Variants in LAMA2 observed in about 807,000 individuals in gnomAD.
LAMA2 encodes the protein laminin subunit alpha 2.
LAMA2 carries 269 observed loss-of-function variants against 364.8 expected under a neutral mutation model. That is an observed-to-expected ratio of 0.74 (90% CI 0.67 to 0.82). The LOEUF is 0.82. Ranked by LOEUF, LAMA2 falls within the 40% of genes least tolerant of loss-of-function variation. The pLI is 0.00. For synonymous variants in LAMA2, 1,379 were observed against 1,370.6 expected, an observed-to-expected ratio of 1.01 and a Z score of -0.14; for missense variants, 3,807 against 3,873.2, an observed-to-expected ratio of 0.98 and a Z score of 0.45.
At chr6:129,172,947 C>T (rs944770290) in intron 9 of LAMA2, among the ~76,000 whole-genome samples, 24 of 152,334 alleles carry the variant, frequency 1.6e-4, no homozygotes, top group East Asian at 1.5e-3. Context: ...AGGTGCCGTC[C>T]GTCACCCCTT....
intron 1 of LAMA2, among the ~76,000 whole-genome samples, chr6:128,899,198 A>T (rs1228474920): frequency 1.3e-5 from 2 of 152,206 alleles, no homozygotes; most frequent in African/African-American, 4.8e-5. Context: ...TTTATTTTGA[A>T]TTAACACATG....
rs146703976 is a variant in LAMA2 at position 128,896,975 on chromosome 6, C to T, written c.112+13618C>T. ...GGCCAGCACTGCTGTAAGCATGTCT[C>T]ATGCCTTAATTTATCAAAGGTAGAT... On this transcript the variant is annotated intron_variant, in intron 1 of 64. Coordinates refer to ENST00000421865, the MANE Select transcript of LAMA2 (RefSeq NM_000426.4). Among the ~76,000 whole-genome samples, 471 of 152,346 alleles carry T rather than the reference C, an allele frequency of 3.1e-3. 2 individuals are homozygous for T. Among genetic ancestry groups the T allele is most frequent in the Middle Eastern group, 6.8e-3 (2 of 294 alleles).
intron 16 of LAMA2, among the ~76,000 whole-genome samples, chr6:129,268,244 A>ATGGATT (rs1787648648): frequency 6.6e-6 from 1 of 152,070 alleles, no homozygotes; most frequent in Admixed American, 6.6e-5. Flanking sequence ...GAGAGCCTTA[A>ATGGATT]TTTGTGGATC....
At chr6:129,465,324 T>G in intron 51 of LAMA2, 35 bp downstream of exon 51, 7 of 1,529,024 alleles carry the variant, frequency 4.6e-6, no homozygotes, top group Non-Finnish European at 6.3e-6. Flanking sequence ...ATATAGGCCT[T>G]AATCATGAAA....
At chr6:129,469,686 C>T (rs1047524251) in intron 51 of LAMA2, among the ~76,000 whole-genome samples, 7 of 150,910 alleles carry the variant, frequency 4.6e-5, no homozygotes, top group African/African-American at 1.7e-4. Context: ...AAACTGAAAA[C>T]AAATCACATA....
At chr6:129,498,915 A>AAGTT (rs1165317828) in intron 58 of LAMA2, among the ~76,000 whole-genome samples, 1 of 152,206 alleles carries the variant, frequency 6.6e-6, no homozygotes, top group East Asian at 1.9e-4. Context: ...TTCTGACCTG[A>AAGTT]AGTTAAATGA....
intron 58 of LAMA2, among the ~76,000 whole-genome samples, chr6:129,493,658 C>G (rs1445135686): frequency 2.0e-5 from 3 of 152,100 alleles, no homozygotes; most frequent in Non-Finnish European, 4.4e-5. Flanking sequence ...CTTTCACCAG[C>G]CCAGGGCTAA....
chr6:129,023,170 A>C (rs781632568), intron 1 of LAMA2, among the ~76,000 whole-genome samples: 26 of 152,130 alleles, frequency 1.7e-4, no homozygotes, highest in Non-Finnish European at 2.8e-4. Flanking sequence ...ACTGTTATTA[A>C]ATCCAATAAG....
At chr6:129,078,910 T>C (rs1275435338) in intron 3 of LAMA2, among the ~76,000 whole-genome samples, 1 of 152,254 alleles carries the variant, frequency 6.6e-6, no homozygotes, top group Admixed American at 6.5e-5. Context: ...CTTTTGTAAC[T>C]GGCTTATTTC....
chr6:129,127,437 G>T (rs746332409), intron 4 of LAMA2, among the ~76,000 whole-genome samples: 1 of 152,196 alleles, frequency 6.6e-6, no homozygotes, highest in Non-Finnish European at 1.5e-5. Context: ...TGATGGACAG[G>T]TTGATTTCAA....
chr6:129,143,633 G>A (rs1323141319), intron 4 of LAMA2, among the ~76,000 whole-genome samples: 2 of 151,964 alleles, frequency 1.3e-5, no homozygotes, highest in Non-Finnish European at 1.5e-5. Context: ...TCGAATTGAC[G>A]CAGTGCCTTG....
Position 129,146,969 on chromosome 6 carries a change from C to G in LAMA2, c.830C>G (p.Ser277Trp). ...DPIVTRRYYY[S>W]VKDISVGGMC... ...GATTGCTTTTTGCAGTATTACTACT[C>G]GGTCAAGGATATTTCAGTTGGAGGG... Residue 277 changes from serine to tryptophan, a missense_variant, in exon 6 of 65, where the codon TCG becomes TGG. By Grantham distance (177) the Ser-to-Trp change is radical (BLOSUM62 -3). Transcript: ENST00000421865. 6.2e-7 allele frequency: 1 copy of G among 1,607,706 alleles called. No individual in the cohort carries two copies. The highest frequency in any genetic ancestry group is 8.5e-7 in the Non-Finnish European group (1 of 1,174,376).
At chr6:128,929,320 G>C (rs1779297080) in intron 1 of LAMA2, 1 of 1,196,562 alleles carries the variant, frequency 8.4e-7, no homozygotes, top group Admixed American at 1.7e-5. Context: ...CACTCTCACA[G>C]AGCCAAGTAC....
chr6:129,404,901 G>C (rs1304209330), intron 40 of LAMA2, among the ~76,000 whole-genome samples: 1 of 151,970 alleles, frequency 6.6e-6, no homozygotes, highest in Non-Finnish European at 1.5e-5. Context: ...AGTCTTAGCA[G>C]GTTCATTTTG....
rs111795688 is a variant in LAMA2 at position 129,109,074 on chromosome 6, C to G, written c.639+10659C>G. Among the ~76,000 whole-genome samples, 1,019 of 152,192 alleles carry G rather than the reference C, an allele frequency of 6.7e-3. 14 individuals carry two copies. Among genetic ancestry groups the G allele is most frequent in the African/African-American group, 0.024 (980 of 41,530 alleles). ...CTGTAGAATGAGCTATTGAGTTTAA[C>G]TTCTTTCCAGGCATGGTTATGGAGC... On this transcript the variant is annotated intron_variant, in intron 4 of 64. Transcript: ENST00000421865.
At chr6:128,910,016 T>G (rs1388916883) in intron 1 of LAMA2, among the ~76,000 whole-genome samples, 1 of 152,100 alleles carries the variant, frequency 6.6e-6, no homozygotes, top group Non-Finnish European at 1.5e-5. Flanking sequence ...GCTGTTAGTC[T>G]GATGGGCTTC....
chr6:129,401,885 T>C (rs1018193317), intron 38 of LAMA2, among the ~76,000 whole-genome samples: 5 of 152,184 alleles, frequency 3.3e-5, no homozygotes, highest in African/African-American at 9.6e-5. Flanking sequence ...CTTTTTGCTA[T>C]GTTAGTAAGT....
chr6:129,200,299 CATGT>C (rs1782160423), intron 12 of LAMA2, among the ~76,000 whole-genome samples: 4 of 140,738 alleles, frequency 2.8e-5, no homozygotes, highest in Non-Finnish European at 6.2e-5. Flanking sequence ...TACACATATA[CATGT>C]GTGTATATAT....
chr6:129,231,687 A>G (rs1784677192), intron 12 of LAMA2, among the ~76,000 whole-genome samples: 1 of 152,096 alleles, frequency 6.6e-6, no homozygotes, highest in South Asian at 2.1e-4. Flanking sequence ...TCCTTAAACT[A>G]CCCATGCACT....
Sources: gnomAD v4.1 joint callset for allele counts (sites outside exome capture counted in the v4.1 genomes callset) on GRCh38, gnomAD v4.1.1 for gene constraint, MANE v1.5 for transcripts, NCBI Gene and HGNC (gene_info 2026-07-23, HGNC 2026-07-21) for gene names.